The following PLD5 variants were observed in gnomAD, a reference collection of about 807,000 sequenced individuals.
PLD5 encodes the protein inactive phospholipase D5.
In PLD5, 36 loss-of-function variants were observed where a neutral mutation model predicts 61.1. That is an observed-to-expected ratio of 0.59 (90% CI 0.45 to 0.78). The LOEUF (loss-of-function observed/expected upper bound fraction) is 0.78. PLD5 is among the 30% of genes least tolerant of loss of function. The probability of loss-of-function intolerance (pLI) is 0.00; values close to 1 mark genes in which losing one functional copy is unlikely to be tolerated. For missense variants in PLD5, 515 were observed against 644.4 expected, an observed-to-expected ratio of 0.80 and a Z score of 2.17; for synonymous variants, 243 against 242.8, an observed-to-expected ratio of 1.00 and a Z score of -0.01.
chr1:242,485,796 G>A (rs1458786431), intron 1 of PLD5, among the ~76,000 whole-genome samples: 2 of 152,210 alleles, frequency 1.3e-5, no homozygotes, highest in Non-Finnish European at 2.9e-5. Context: ...GAGGCATCAT[G>A]CTACCTGACT....
intron 5 of PLD5, among the ~76,000 whole-genome samples, chr1:242,200,151 T>C (rs1000329618): frequency 6.6e-6 from 1 of 152,232 alleles, no homozygotes; most frequent in African/African-American, 2.4e-5. Flanking sequence ...GCCATAGTCA[T>C]GCTGAAGGCC....
intron 4 of PLD5, among the ~76,000 whole-genome samples, chr1:242,254,069 G>T (rs1170714596): frequency 6.6e-6 from 1 of 152,086 alleles, no homozygotes; most frequent in Admixed American, 6.5e-5. Flanking sequence ...TCCCAAAGAC[G>T]ATCTGTAATG....
chr1:242,433,238 G>C (rs1665815574), intron 1 of PLD5, among the ~76,000 whole-genome samples: 1 of 152,108 alleles, frequency 6.6e-6, no homozygotes, highest in African/African-American at 2.4e-5. Context: ...TTGTTCAGTT[G>C]GTTTGTTTTG....
intron 5 of PLD5, among the ~76,000 whole-genome samples, chr1:242,191,481 G>A (rs1400415017): frequency 1.3e-5 from 2 of 152,112 alleles, no homozygotes; most frequent in Non-Finnish European, 2.9e-5. Context: ...AGCTACTCGG[G>A]AGGCTGAGGC....
At chr1:242,191,505 G>C (rs949947164) in intron 5 of PLD5, among the ~76,000 whole-genome samples, 1 of 151,962 alleles carries the variant, frequency 6.6e-6, no homozygotes, top group African/African-American at 2.4e-5. Flanking sequence ...AAAATCGCTT[G>C]AACCCAGGAC....
At chr1:242,270,778 G>A (rs947720057) in intron 3 of PLD5, among the ~76,000 whole-genome samples, 10 of 152,324 alleles carry the variant, frequency 6.6e-5, no homozygotes, top group African/African-American at 2.4e-4. Flanking sequence ...CTGGGTATAT[G>A]AGGGGAGAGG....
chr1:242,413,293 TGTC>T (rs1664653320), intron 1 of PLD5, among the ~76,000 whole-genome samples: 1 of 152,156 alleles, frequency 6.6e-6, no homozygotes, highest in South Asian at 2.1e-4. Flanking sequence ...TCTAACCCTT[TGTC>T]GTCATGATCT....
At chr1:242,301,945 T>C (rs1290607229) in intron 2 of PLD5, among the ~76,000 whole-genome samples, 1 of 151,974 alleles carries the variant, frequency 6.6e-6, no homozygotes, top group Non-Finnish European at 1.5e-5. Context: ...ACCCGGCTAA[T>C]TATTTTTGTA....
At chr1:242,377,574 C>A (rs1662036366) in intron 1 of PLD5, 1 of 502,642 alleles carries the variant, frequency 2.0e-6, no homozygotes. Context: ...AGAGACATGA[C>A]CCTGGTCCCA....
At chr1:242,390,253 T>TA (rs1662851612) in intron 1 of PLD5, among the ~76,000 whole-genome samples, 2 of 152,086 alleles carry the variant, frequency 1.3e-5, no homozygotes, top group Non-Finnish European at 2.9e-5. Context: ...AGAGACAGGG[T>TA]TTCACCTTGT....
chr1:242,388,298 G>A (rs146636032), intron 1 of PLD5, among the ~76,000 whole-genome samples: 111 of 152,308 alleles, frequency 7.3e-4, no homozygotes, highest in African/African-American at 2.5e-3. Context: ...GCTGTGCCGT[G>A]ATGAGCACCT....
chr1:242,381,482 C>G (rs1053380663), intron 1 of PLD5, among the ~76,000 whole-genome samples: 2 of 152,070 alleles, frequency 1.3e-5, no homozygotes, highest in Non-Finnish European at 2.9e-5. Context: ...GTACAGCAAG[C>G]CATCACAGGG....
intron 2 of PLD5, among the ~76,000 whole-genome samples, chr1:242,332,679 C>CAAACTCACAA (rs1659258258): frequency 6.6e-6 from 1 of 152,068 alleles, no homozygotes; most frequent in South Asian, 2.1e-4. Flanking sequence ...GAAAGACAAC[C>CAAACTCACAA]AAACTCACAA....
At chr1:242,316,948 TTCTTTTTA>T (rs1658042474) in intron 2 of PLD5, among the ~76,000 whole-genome samples, 1 of 152,178 alleles carries the variant, frequency 6.6e-6, no homozygotes, top group African/African-American at 2.4e-5. Context: ...CATGATCTCA[TTCTTTTTA>T]TGGCTGTATA....
intron 5 of PLD5, chr1:242,209,178 G>C (rs895212221): frequency 6.6e-6 from 1 of 152,034 alleles, no homozygotes; most frequent in Non-Finnish European, 1.5e-5. Flanking sequence ...TGTTTGCTTT[G>C]TCAGCACGGT....
intron 1 of PLD5, among the ~76,000 whole-genome samples, chr1:242,354,120 G>T (rs190948306): frequency 6.6e-6 from 1 of 151,986 alleles, no homozygotes; most frequent in East Asian, 1.9e-4. Flanking sequence ...TGAAGAAACT[G>T]GCAGGAACCA....
At chr1:242,345,705 A>C (rs375968907) in intron 2 of PLD5, 10 of 719,100 alleles carry the variant, frequency 1.4e-5, no homozygotes, top group African/African-American at 8.7e-5. Flanking sequence ...TCAGGAGAAG[A>C]GCTTGTGGAA....
intron 1 of PLD5, among the ~76,000 whole-genome samples, chr1:242,511,443 C>T (rs930889812): frequency 3.9e-5 from 6 of 152,018 alleles, no homozygotes; most frequent in South Asian, 2.1e-4. Context: ...AGAAACACGG[C>T]GAACACTACT....
At chr1:242,516,010 T>G (rs1457300974) in intron 1 of PLD5, among the ~76,000 whole-genome samples, 2 of 152,094 alleles carry the variant, frequency 1.3e-5, no homozygotes, top group Non-Finnish European at 2.9e-5. Flanking sequence ...GTTTGAATAA[T>G]GGTGTATAAT....
Sources: gnomAD v4.1 joint callset for allele counts (sites outside exome capture counted in the v4.1 genomes callset) on GRCh38, gnomAD v4.1.1 for gene constraint, MANE v1.5 for transcripts, NCBI Gene and HGNC (gene_info 2026-07-23, HGNC 2026-07-21) for gene names.